The following XYLT1 variants were observed in gnomAD, a reference collection of about 807,000 sequenced individuals.
XYLT1 encodes beta-D-xylosyltransferase 1.
A neutral mutation model predicts 91.3 loss-of-function variants in XYLT1; 36 were observed. The observed-to-expected ratio is 0.39, with a 90% confidence interval of 0.30 to 0.52. The LOEUF (loss-of-function observed/expected upper bound fraction) is 0.52, where lower values mean the gene tolerates loss of function less well. Among genes scored for constraint, XYLT1 ranks in the 20% least tolerant of loss-of-function variants. The probability of loss-of-function intolerance (pLI) is 0.68; values close to 1 mark genes in which losing one functional copy is unlikely to be tolerated. For synonymous variants in XYLT1, 588 were observed against 532.0 expected (o/e 1.11, Z -1.45); for missense variants, 1,242 against 1,284.5 (o/e 0.97, Z 0.51).
At chr16:17,367,971 A>G (rs2035476500) in intron 1 of XYLT1, among the ~76,000 whole-genome samples, 2 of 152,136 alleles carry the variant, frequency 1.3e-5, no homozygotes, top group African/African-American at 4.8e-5. Flanking sequence ...ATAAATTTCT[A>G]TGCACATCCC....
chr16:17,275,273 G>C (rs1404866692), intron 2 of XYLT1, among the ~76,000 whole-genome samples: 1 of 152,192 alleles, frequency 6.6e-6, no homozygotes, highest in Non-Finnish European at 1.5e-5. Flanking sequence ...AAGTATGGAG[G>C]CATAGAGAGG....
At chr16:17,340,186 A>G (rs1166222839) in intron 2 of XYLT1, among the ~76,000 whole-genome samples, 2 of 152,132 alleles carry the variant, frequency 1.3e-5, no homozygotes, top group African/African-American at 4.8e-5. Flanking sequence ...ATCTGATTCA[A>G]TCTACAGTTC....
intron 2 of XYLT1, among the ~76,000 whole-genome samples, chr16:17,356,075 A>G (rs1468246085): frequency 6.6e-6 from 1 of 151,778 alleles, no homozygotes. Flanking sequence ...TTTAACAGCA[A>G]CCTGGGTCTC....
intron 6 of XYLT1, among the ~76,000 whole-genome samples, chr16:17,147,590 C>T (rs908042247): frequency 2.0e-5 from 3 of 152,194 alleles, no homozygotes; most frequent in Admixed American, 1.3e-4. Flanking sequence ...CAAACGCATG[C>T]TTTGGTTAAC....
At chr16:17,202,352 C>T (rs1049334635) in intron 3 of XYLT1, among the ~76,000 whole-genome samples, 8 of 152,218 alleles carry the variant, frequency 5.3e-5, no homozygotes, top group African/African-American at 9.6e-5. Flanking sequence ...GCTCTTTCTA[C>T]GTAGTTCCAG....
chr16:17,330,080 A>G (rs183069804), intron 2 of XYLT1, among the ~76,000 whole-genome samples: 1 of 141,200 alleles, frequency 7.1e-6, no homozygotes, highest in African/African-American at 2.7e-5. Context: ...TGACAAATCT[A>G]TATGCACCAC....
chr16:17,197,267 G>A (rs954071641), intron 5 of XYLT1, among the ~76,000 whole-genome samples: 1 of 152,010 alleles, frequency 6.6e-6, no homozygotes, highest in Non-Finnish European at 1.5e-5. Context: ...CTTTGCCCCT[G>A]CCTGGACCAC....
At chr16:17,166,620 T>C (rs1411422180) in intron 5 of XYLT1, among the ~76,000 whole-genome samples, 1 of 151,912 alleles carries the variant, frequency 6.6e-6, no homozygotes, top group Non-Finnish European at 1.5e-5. Context: ...CGAGAGATTC[T>C]CCTGCTTCAG....
intron 1 of XYLT1, among the ~76,000 whole-genome samples, chr16:17,435,752 C>T (rs1348733853): frequency 6.6e-6 from 1 of 152,194 alleles, no homozygotes; most frequent in Non-Finnish European, 1.5e-5. Context: ...AGGGCTGAAT[C>T]CTCCAAGGAT....
intron 1 of XYLT1, among the ~76,000 whole-genome samples, chr16:17,449,285 G>T (rs186204958): frequency 1.3e-5 from 2 of 152,252 alleles, no homozygotes; most frequent in African/African-American, 4.8e-5. Context: ...GACGACAGTA[G>T]CCAGCTTCTC....
intron 1 of XYLT1, among the ~76,000 whole-genome samples, chr16:17,402,147 ACAC>A (rs772198001): frequency 8.1e-6 from 1 of 123,984 alleles, no homozygotes; most frequent in African/African-American, 4.2e-5. Context: ...AAAAAAAAAA[ACAC>A]ACACACACAC....
At chr16:17,330,553 G>A (rs1354776301) in intron 2 of XYLT1, among the ~76,000 whole-genome samples, 1 of 151,980 alleles carries the variant, frequency 6.6e-6, no homozygotes, top group Non-Finnish European at 1.5e-5. Context: ...TTGGGAGGCC[G>A]AGGCAGGCAG....
At chr16:17,445,271 C>A (rs1256995135) in intron 1 of XYLT1, among the ~76,000 whole-genome samples, 1 of 152,068 alleles carries the variant, frequency 6.6e-6, no homozygotes, top group African/African-American at 2.4e-5. Flanking sequence ...GCTGGGATTA[C>A]AGGCATCAGC....
chr16:17,173,710 T>C (rs2031878524), intron 5 of XYLT1, among the ~76,000 whole-genome samples: 1 of 152,256 alleles, frequency 6.6e-6, no homozygotes, highest in African/African-American at 2.4e-5. Context: ...GAGACGAGCC[T>C]AACTGAGTGA....
chr16:17,334,583 G>C (rs2034949694), intron 2 of XYLT1, among the ~76,000 whole-genome samples: 1 of 152,136 alleles, frequency 6.6e-6, no homozygotes, highest in Admixed American at 6.5e-5. Flanking sequence ...CCAGGAATGT[G>C]TAGGTGTAGC....
At chr16:17,177,773 C>A (rs1395972482) in intron 5 of XYLT1, among the ~76,000 whole-genome samples, 1 of 152,178 alleles carries the variant, frequency 6.6e-6, no homozygotes, top group African/African-American at 2.4e-5. Context: ...GAAAACCAGA[C>A]ACACAAGATC....
chr16:17,435,890 T>G (rs2036452347), intron 1 of XYLT1, among the ~76,000 whole-genome samples: 1 of 152,212 alleles, frequency 6.6e-6, no homozygotes, highest in Non-Finnish European at 1.5e-5. Context: ...TACTTCCAAC[T>G]AAAGGCAGGA....
intron 8 of XYLT1, 161 bp downstream of exon 8, chr16:17,138,194 A>T: frequency 1.3e-6 from 1 of 787,080 alleles, no homozygotes; most frequent in Non-Finnish European, 1.9e-6. Context: ...AGTGCTCAAT[A>T]AACACTGGCT....
At chr16:17,445,221 CCTGAGCTT>C (rs2036577474) in intron 1 of XYLT1, among the ~76,000 whole-genome samples, 2 of 152,128 alleles carry the variant, frequency 1.3e-5, no homozygotes. Context: ...TCTCAAGGAG[CCTGAGCTT>C]AAGAGATCTT....
Sources: allele counts gnomAD v4.1 joint callset (sites outside exome capture counted in the v4.1 genomes callset), GRCh38; gene constraint gnomAD v4.1.1; transcripts MANE v1.5; gene names NCBI Gene and HGNC (gene_info 2026-07-23, HGNC 2026-07-21).